CRYBB2: variants seen among roughly 807,000 people sequenced by gnomAD.
The protein encoded by CRYBB2 is beta-crystallin B2.
A neutral mutation model predicts 24.3 loss-of-function variants in CRYBB2; 12 were observed. The ratio of observed to expected loss-of-function variants is 0.49; its 90% CI spans 0.32 to 0.80. The LOEUF (loss-of-function observed/expected upper bound fraction) is 0.80. Ranked by LOEUF, CRYBB2 falls within the 30% of genes least tolerant of loss-of-function variation. The pLI is 0.04. For synonymous variants in CRYBB2, 98 were observed against 101.6 expected, an observed-to-expected ratio of 0.96 and a Z score of 0.21; for missense variants, 198 against 268.5, an observed-to-expected ratio of 0.74 and a Z score of 1.83.
At chr22:25,213,193 AAGAAGGG>A (rs1935127444) in intron 1 of CRYBB2, 1 of 152,224 alleles carries the variant, frequency 6.6e-6, no homozygotes, top group African/African-American at 2.4e-5. Flanking sequence ...AAATTGTCGT[AAGAAGGG>A]AGTGTTGTTT....
intron 1 of CRYBB2, 74 bp from the exon 2 acceptor site, chr22:25,221,330 G>A: frequency 4.6e-6 from 4 of 876,352 alleles, no homozygotes; most frequent in Non-Finnish European, 7.9e-6. Flanking sequence ...AGAGGGGAGT[G>A]GTCTCAAGGC....
intron 4 of CRYBB2, among the ~76,000 whole-genome samples, chr22:25,229,013 T>G (rs1209755829): frequency 6.9e-6 from 1 of 145,692 alleles, no homozygotes; most frequent in Non-Finnish European, 1.5e-5. Context: ...TGTGCAAGTG[T>G]GGGTGTGCAC....
chr22:25,231,329 GT>G, intron 5 of CRYBB2, among the ~76,000 whole-genome samples: 1 of 35,922 alleles, frequency 2.8e-5, no homozygotes, highest in Admixed American at 2.1e-4. Flanking sequence ...CCCCAGTACA[GT>G]ACAGTACAGT....
intron 4 of CRYBB2, among the ~76,000 whole-genome samples, chr22:25,228,350 G>A (rs1027200253): frequency 2.7e-5 from 4 of 147,902 alleles, no homozygotes; most frequent in African/African-American, 7.5e-5. Context: ...CGCCCCCCGC[G>A]CCCAAGGGTT....
chr22:25,223,084 C>T (rs1935348816), intron 2 of CRYBB2, among the ~76,000 whole-genome samples: 1 of 152,134 alleles, frequency 6.6e-6, no homozygotes, highest in African/African-American at 2.4e-5. Flanking sequence ...TATTGAGCTC[C>T]TGGGTCCTCT....
upstream of CRYBB2, among the ~76,000 whole-genome samples, chr22:25,217,336 A>G (rs1211250060): frequency 1.3e-5 from 2 of 151,942 alleles, no homozygotes; most frequent in African/African-American, 4.8e-5. Context: ...ATTTTCTTTG[A>G]GACAGAGTTT....
intron 2 of CRYBB2, among the ~76,000 whole-genome samples, chr22:25,222,007 A>T (rs1253219209): frequency 6.6e-6 from 1 of 152,222 alleles, no homozygotes; most frequent in Non-Finnish European, 1.5e-5. Context: ...AACACCAGCA[A>T]ATAATGCCGC....
upstream of CRYBB2, among the ~76,000 whole-genome samples, chr22:25,216,313 G>A (rs5760913): frequency 0.63 from 95,470 of 152,026 alleles, 30,246 homozygotes; most frequent in East Asian, 0.91. Flanking sequence ...GGGTGAAGTT[G>A]CCTAGTGAAG....
At chr22:25,229,045 A>C (rs9612898) in intron 4 of CRYBB2, among the ~76,000 whole-genome samples, 2 of 133,888 alleles carry the variant, frequency 1.5e-5, no homozygotes, top group Non-Finnish European at 1.6e-5. Flanking sequence ...CGTGTGTGCA[A>C]GTGTGGTGTG....
chr22:25,218,561 G>A (rs1935220019), upstream of CRYBB2, among the ~76,000 whole-genome samples: 1 of 151,040 alleles, frequency 6.6e-6, no homozygotes, highest in South Asian at 2.1e-4. Flanking sequence ...AGCTACTGGT[G>A]AGGCTGAGGC....
At position 25,229,742 on chromosome 22, in the gene CRYBB2, G is replaced by A. The variant is rs553475955; in HGVS notation, c.449+164G>A. Among the ~76,000 whole-genome samples, 229 of 152,308 alleles carry A rather than the reference G, an allele frequency of 1.5e-3. 2 individuals are homozygous for A. The highest frequency in any genetic ancestry group is 5.3e-3 in the African/African-American group (221 of 41,574). ...GTAAATGGGAATTCTCTGCCCATAG[G>A]TGGCTTACAGCCGCTGAATTTCTTT... is the stretch of plus-strand genomic sequence containing the variant. On this transcript the variant is annotated intron_variant, in intron 5 of 5. Coordinates refer to ENST00000398215, the MANE Select transcript of CRYBB2 (RefSeq NM_000496.3).
At chr22:25,213,994 A>G (rs1935136779) in intron 1 of CRYBB2, among the ~76,000 whole-genome samples, 1 of 152,158 alleles carries the variant, frequency 6.6e-6, no homozygotes, top group Non-Finnish European at 1.5e-5. Context: ...TCAGCTCTCC[A>G]CGACCTAGCT....
chr22:25,231,357 C>G lies in CRYBB2; in HGVS notation c.450-247C>G, dbSNP rs1052414676. Among the ~76,000 whole-genome samples, 6 of 150,666 alleles carry G rather than the reference C, an allele frequency of 4.0e-5. No homozygotes were observed. The East Asian group carries it at 1.2e-3, about 30-fold the overall frequency. On this transcript the variant is annotated intron_variant, in intron 5 of 5. Coordinates refer to ENST00000398215, the MANE Select transcript of CRYBB2 (RefSeq NM_000496.3). ...CAGTACAGTACAGTACAGTACAGGC[C>G]TTCAGTCAAAATTTGCTTCAGGAGG...
intron 1 of CRYBB2, among the ~76,000 whole-genome samples, chr22:25,214,513 C>T (rs1383722140): frequency 6.6e-6 from 1 of 152,170 alleles, no homozygotes; most frequent in African/African-American, 2.4e-5. Context: ...CTGACGGTCT[C>T]TGTCTTGGCA....
In CRYBB2 at chr22:25,231,709, G is replaced by A. The variant is rs1164359244; in HGVS notation, c.555G>A (p.Gln185=). The change falls in exon 6 of 6, where the codon CAG becomes CAA. Residue 185 remains glutamine (Q), a synonymous_variant. Coordinates refer to ENST00000398215, the MANE Select transcript of CRYBB2 (RefSeq NM_000496.3). ...TTGGGGCCCCTCACCCCCAGGTGCA[G>A]TCCGTGCGCCGTATCCGCGACATGC... ...SDFGAPHPQV[Q]SVRRIRDMQW... is the part of the protein sequence containing the mutation. 6.2e-7 allele frequency: 1 copy of A among 1,614,158 alleles called. No individual in the cohort carries two copies. The highest frequency in any genetic ancestry group is 1.1e-5 in the South Asian group (1 of 91,090).
exon 1 of CRYBB2, chr22:25,212,802 A>G (rs1935122258): frequency 6.6e-6 from 1 of 152,168 alleles, no homozygotes; most frequent in Non-Finnish European, 1.5e-5. Context: ...AATGACTAAC[A>G]GGAGCTGGGG....
At chr22:25,212,458 G>T (rs533882481), upstream of CRYBB2, among the ~76,000 whole-genome samples, 2 of 152,326 alleles carry the variant, frequency 1.3e-5, no homozygotes, top group African/African-American at 4.8e-5. Flanking sequence ...TGGCTCTGTG[G>T]TCACTGCCCC....
At chr22:25,227,710 G>T in intron 3 of CRYBB2, 143 bp from the exon 4 acceptor site, 1 of 1,408,976 alleles carries the variant, frequency 7.1e-7, no homozygotes, top group South Asian at 1.2e-5. Context: ...TGGATTTGCT[G>T]TGCTAAGGTT....
In CRYBB2 at chr22:25,220,933, GA is replaced by G. The variant is rs547505732; in HGVS notation, c.-26-469del. The stretch of plus-strand genomic sequence containing the variant: ...GAGGAGTCCCAGGGAGAGGGTGGGA[GA>G]AGGAGCAGGGGAACAGGGAACTTTG... On this transcript the variant is annotated intron_variant, in intron 1 of 5. Coordinates refer to ENST00000398215, the MANE Select transcript of CRYBB2 (RefSeq NM_000496.3). Among the ~76,000 whole-genome samples, 44 of 152,314 alleles carry G rather than the reference GA, an allele frequency of 2.9e-4. No homozygotes were observed. In the East Asian group the frequency reaches 6.9e-3, roughly 24 times the overall value.
Sources: allele counts gnomAD v4.1 joint callset (sites outside exome capture counted in the v4.1 genomes callset), GRCh38; gene constraint gnomAD v4.1.1; transcripts MANE v1.5; gene names NCBI Gene and HGNC (gene_info 2026-07-23, HGNC 2026-07-21).